Variants in SUB1 observed in about 807,000 individuals in gnomAD.
The protein encoded by SUB1 is activated RNA polymerase II transcriptional coactivator p15.
SUB1 carries 1 observed loss-of-function variant against 16.9 expected under a neutral mutation model. The ratio of observed to expected loss-of-function variants is 0.06; its 90% CI spans 0.02 to 0.28. The LOEUF (loss-of-function observed/expected upper bound fraction) is 0.28. SUB1 is among the 10% of genes least tolerant of loss of function. The pLI is 1.00. For missense variants in SUB1, 84 were observed against 145.2 expected (o/e 0.58, Z 2.16); for synonymous variants, 51 against 46.9 (o/e 1.09, Z -0.36).
chr5:32,597,755 A>G (rs542214766), intron 3 of SUB1: 2 of 152,336 alleles, frequency 1.3e-5, no homozygotes. Flanking sequence ...TGCTAAGTAT[A>G]GCCTACTGTT....
At chr5:32,592,525 G>A (rs1485847952) in intron 3 of SUB1, among the ~76,000 whole-genome samples, 1 of 152,178 alleles carries the variant, frequency 6.6e-6, no homozygotes, top group Non-Finnish European at 1.5e-5. Flanking sequence ...AGGGATGTTG[G>A]GGAATAAATG....
At chr5:32,594,867 A>G (rs1482205318) in intron 3 of SUB1, 1 of 178,120 alleles carries the variant, frequency 5.6e-6, no homozygotes, top group Non-Finnish European at 1.2e-5. Flanking sequence ...CCCTGGTGCC[A>G]AAAAGGTTAG....
In SUB1 at chr5:32,588,164, G is replaced by A. The variant is rs556917979; in HGVS notation, c.-1-348G>A. Among the ~76,000 whole-genome samples, 475 of 152,258 alleles carry A rather than the reference G, an allele frequency of 3.1e-3. 2 individuals are homozygous for A. The highest frequency in any genetic ancestry group is 4.4e-3 in the Non-Finnish European group (298 of 68,012). On this transcript the variant is annotated intron_variant, in intron 1 of 4. Transcript: ENST00000265073. ...AATTACATTTCTTCTGGTTTTAATA[G>A]TAATTGTTGTCTGCTGCCTTCTTGC... is the stretch of plus-strand genomic sequence containing the variant.
intron 4 of SUB1, among the ~76,000 whole-genome samples, chr5:32,599,289 C>G (rs951740943): frequency 7.9e-5 from 12 of 152,152 alleles, no homozygotes; most frequent in Non-Finnish European, 1.6e-4. Flanking sequence ...AGTAACACCC[C>G]TAATATCACT....
intron 1 of SUB1, among the ~76,000 whole-genome samples, chr5:32,588,039 T>C (rs757137413): frequency 7.9e-5 from 12 of 152,222 alleles, no homozygotes; most frequent in Non-Finnish European, 1.6e-4. Flanking sequence ...ATAGTACAGC[T>C]AGTTCCCTGT....
At chr5:32,600,540 A>G (rs565679825) in intron 4 of SUB1, among the ~76,000 whole-genome samples, 3 of 152,266 alleles carry the variant, frequency 2.0e-5, no homozygotes, top group Admixed American at 6.5e-5. Flanking sequence ...GTAAATTGTG[A>G]TGATATGTAA....
intron 3 of SUB1, among the ~76,000 whole-genome samples, chr5:32,591,900 A>G (rs1246540689): frequency 6.6e-6 from 1 of 152,066 alleles, no homozygotes; most frequent in African/African-American, 2.4e-5. Context: ...GGGTTTCACC[A>G]TCTTGGCCAG....
chr5:32,586,228 A>T (rs1485219862), intron 1 of SUB1: 1 of 152,176 alleles, frequency 6.6e-6, no homozygotes, highest in Admixed American at 6.5e-5. Flanking sequence ...GCTGCTAGCC[A>T]CGGGGTTCTA....
chr5:32,586,634 A>G (rs986477266), intron 1 of SUB1: 1 of 152,192 alleles, frequency 6.6e-6, no homozygotes, highest in African/African-American at 2.4e-5. Context: ...GTTTTTGATA[A>G]CAGACGGTAG....
At chr5:32,590,921 C>A (rs2111661129) in intron 2 of SUB1, among the ~76,000 whole-genome samples, 1 of 152,010 alleles carries the variant, frequency 6.6e-6, no homozygotes, top group East Asian at 1.9e-4. Flanking sequence ...TGCCCACCAC[C>A]ACGCCTGGCT....
chr5:32,591,548 C>T lies in SUB1; in HGVS notation c.73-15C>T. The T allele has an allele frequency of 6.3e-7, 1 of 1,581,370 alleles. No individual in the cohort carries two copies. Among genetic ancestry groups the T allele is most frequent in the Non-Finnish European group, 8.6e-7 (1 of 1,168,808 alleles). ...TATTTTTATGTGTGCAAATTTTAACCATATTCTTTTCTAGTTAAAGAGGAA... is the reference window on the plus strand; with the variant it reads ...TATTTTTATGTGTGCAAATTTTAACTATATTCTTTTCTAGTTAAAGAGGAA... On this transcript the variant is annotated splice_polypyrimidine_tract_variant and intron_variant, in intron 2 of 4. Coordinates refer to ENST00000265073, the MANE Select transcript of SUB1 (RefSeq NM_006713.4).
chr5:32,587,609 T>G (rs1316049903), intron 1 of SUB1, among the ~76,000 whole-genome samples: 1 of 151,926 alleles, frequency 6.6e-6, no homozygotes, highest in Non-Finnish European at 1.5e-5. Context: ...GTGAATTGTG[T>G]AAGATTTTTT....
chr5:32,595,835 T>C (rs1426835301), intron 3 of SUB1: 1 of 152,210 alleles, frequency 6.6e-6, no homozygotes, highest in Non-Finnish European at 1.5e-5. Flanking sequence ...AGTTTTTTTC[T>C]TTTTAGTTAC....
intron 3 of SUB1, chr5:32,594,421 A>G: frequency 3.5e-6 from 1 of 285,194 alleles, no homozygotes; most frequent in South Asian, 3.0e-5. Flanking sequence ...ACAAAGGGTC[A>G]GTAATACTGC....
chr5:32,592,937 A>G (rs1738867045), intron 3 of SUB1, among the ~76,000 whole-genome samples: 1 of 152,226 alleles, frequency 6.6e-6, no homozygotes, highest in African/African-American at 2.4e-5. Context: ...AGAGTGCAGT[A>G]ATGGGAGCAA....
chr5:32,598,944 G>T lies in SUB1; in HGVS notation c.196-17G>T. The T allele has an allele frequency of 1.3e-6, 2 of 1,592,562 alleles. No homozygotes were observed. Among genetic ancestry groups the T allele is most frequent in the Admixed American group, 3.5e-5 (2 of 57,826 alleles). ...TCTTGAAAGGAGCACCTCTTTTTAT[G>T]TTTGTTTCTTTTGCAGATTGGGAAA... is the stretch of plus-strand genomic sequence containing the variant. On this transcript the variant is annotated splice_polypyrimidine_tract_variant and intron_variant, in intron 3 of 4. Coordinates refer to ENST00000265073, the MANE Select transcript of SUB1 (RefSeq NM_006713.4).
intron 3 of SUB1, chr5:32,594,803 T>A (rs923032193): frequency 5.1e-6 from 1 of 196,760 alleles, no homozygotes; most frequent in Non-Finnish European, 1.1e-5. Context: ...CCTGAAACGA[T>A]CACCTTTCCC....
At chr5:32,592,411 G>A (rs1000573991) in intron 3 of SUB1, among the ~76,000 whole-genome samples, 1 of 152,196 alleles carries the variant, frequency 6.6e-6, no homozygotes, top group African/African-American at 2.4e-5. Flanking sequence ...GGGACTTGAT[G>A]AAATCACCTA....
intron 1 of SUB1, chr5:32,586,153 G>C (rs1290473100): frequency 6.6e-6 from 1 of 152,216 alleles, no homozygotes; most frequent in African/African-American, 2.4e-5. Context: ...TTCCCACGCC[G>C]TCTTCTCCGC....
Sources: gnomAD v4.1 joint callset for allele counts (sites outside exome capture counted in the v4.1 genomes callset) on GRCh38, gnomAD v4.1.1 for gene constraint, MANE v1.5 for transcripts, NCBI Gene and HGNC (gene_info 2026-07-23, HGNC 2026-07-21) for gene names.